VAC14: variants seen among roughly 807,000 people sequenced by gnomAD.
The protein encoded by VAC14 is VAC14 component of PIKFYVE complex.
VAC14 carries 47 observed loss-of-function variants against 85.3 expected under a neutral mutation model. That is an observed-to-expected ratio of 0.55 (90% CI 0.44 to 0.70). The LOEUF is 0.70. VAC14 is among the 30% of genes least tolerant of loss of function. The pLI is 0.00. For synonymous variants in VAC14, 447 were observed against 430.5 expected (o/e 1.04, Z -0.47); for missense variants, 861 against 1,004.3 (o/e 0.86, Z 1.93).
At chr16:70,775,179 A>T (rs1218274348) in intron 9 of VAC14, among the ~76,000 whole-genome samples, 2 of 152,198 alleles carry the variant, frequency 1.3e-5, no homozygotes, top group Non-Finnish European at 2.9e-5. Flanking sequence ...AATGATCATT[A>T]TTTATATTGT....
At chr16:70,704,020 C>T (rs1021079440) in intron 14 of VAC14, among the ~76,000 whole-genome samples, 4 of 152,182 alleles carry the variant, frequency 2.6e-5, no homozygotes, top group African/African-American at 9.6e-5. Context: ...TGTGAGCCTT[C>T]GTGTCACTGT....
chr16:70,738,471 C>T lies in VAC14; in HGVS notation c.1528+5952G>A, dbSNP rs556453869. Among the ~76,000 whole-genome samples, 9 of 152,158 alleles carry T rather than the reference C, an allele frequency of 5.9e-5. No homozygotes were observed. The South Asian group carries it at 8.3e-4, about 14-fold the overall frequency. ...GCCCAGTGGGGACTTCCAGCTGACGCGGCAGTGGAGAGGTCATATAGCAGT... is the reference window on the plus strand; with the variant it reads ...GCCCAGTGGGGACTTCCAGCTGACGTGGCAGTGGAGAGGTCATATAGCAGT... On this transcript the variant is annotated intron_variant, in intron 13 of 18. Transcript: ENST00000261776.
At position 70,787,671 on chromosome 16, in the gene VAC14, T is replaced by C. The variant is rs143158250; in HGVS notation, c.105-1306A>G. 1.1e-3 allele frequency among the ~76,000 whole-genome samples: 161 copies of C among 152,278 alleles called. 2 individuals carry two copies. In the East Asian group the frequency reaches 0.025, roughly 23 times the overall value. On this transcript the variant is annotated intron_variant, in intron 1 of 18. Transcript: ENST00000261776. ...GCTGGGGTGGTCAGGGGAGTTTTCC[T>C]GGAAGTGGGATGGAGCCGGATCTTC...
intron 14 of VAC14, among the ~76,000 whole-genome samples, chr16:70,720,453 G>A (rs2054261653): frequency 6.6e-6 from 1 of 152,186 alleles, no homozygotes; most frequent in Non-Finnish European, 1.5e-5. Flanking sequence ...TGTGTTATGT[G>A]GTAAGAAAGG....
At chr16:70,706,163 G>C (rs1428774155) in intron 14 of VAC14, among the ~76,000 whole-genome samples, 1 of 152,250 alleles carries the variant, frequency 6.6e-6, no homozygotes, top group African/African-American at 2.4e-5. Flanking sequence ...GTGTCATGGG[G>C]CATGGGGTCA....
chr16:70,706,302 C>T (rs1231604972), intron 14 of VAC14, among the ~76,000 whole-genome samples: 5 of 152,216 alleles, frequency 3.3e-5, no homozygotes, highest in Non-Finnish European at 5.9e-5. Flanking sequence ...ATTCTGAGGA[C>T]AGTGTGGGCT....
At chr16:70,768,889 C>T (rs956151202) in intron 10 of VAC14, 7 of 448,024 alleles carry the variant, frequency 1.6e-5, no homozygotes, top group African/African-American at 1.4e-4. Flanking sequence ...AAACCTCCGC[C>T]TCCCAGGTTC....
Position 70,785,712 on chromosome 16 carries a change from C to T in VAC14, c.413G>A (p.Gly138Glu). 2 of 1,559,996 alleles carry T rather than the reference C, an allele frequency of 1.3e-6. No homozygotes were observed. The highest frequency in any genetic ancestry group is 1.7e-6 in the Non-Finnish European group (2 of 1,151,344). Residue 138 changes from glycine (G) to glutamate (E), a missense_variant, in exon 3 of 19, where the codon GGG (glycine) becomes GAG (glutamate). Transcript: ENST00000261776. ...VLPHFNVLFD[G>E]LSKLAADPDP... is the part of the protein sequence containing the mutation. ...GAGGAGGGCGGTTACCTTGCTCAGC[C>T]CGTCAAAGAGCACGTTGAAGTGGGG... is the stretch of plus-strand genomic sequence containing the variant.
At chr16:70,760,812 T>C (rs1328997101) in intron 12 of VAC14, among the ~76,000 whole-genome samples, 3 of 152,268 alleles carry the variant, frequency 2.0e-5, no homozygotes, top group Admixed American at 6.5e-5. Context: ...AGTGAAGTCC[T>C]AGGGAAGGAA....
intron 13 of VAC14, among the ~76,000 whole-genome samples, chr16:70,739,044 C>T (rs538676498): frequency 8.3e-4 from 126 of 152,310 alleles, no homozygotes; most frequent in Non-Finnish European, 1.1e-3. Flanking sequence ...CCCTCTGCAC[C>T]GGCCTGTAAT....
intron 12 of VAC14, among the ~76,000 whole-genome samples, chr16:70,757,516 C>G (rs1232148656): frequency 6.6e-6 from 1 of 152,184 alleles, no homozygotes; most frequent in African/African-American, 2.4e-5. Flanking sequence ...GCACAGAAGG[C>G]CAGTCCTGTG....
chr16:70,718,655 C>T (rs1467918176), intron 14 of VAC14, among the ~76,000 whole-genome samples: 1 of 152,070 alleles, frequency 6.6e-6, no homozygotes, highest in Non-Finnish European at 1.5e-5. Context: ...TCTCCTGGCT[C>T]AGCATCTCGT....
intron 14 of VAC14, among the ~76,000 whole-genome samples, chr16:70,728,923 G>A (rs2054508527): frequency 6.6e-6 from 1 of 152,130 alleles, no homozygotes; most frequent in African/African-American, 2.4e-5. Flanking sequence ...CTGGTGGGGG[G>A]GCCTCTTGCA....
At chr16:70,754,281 A>G (rs1211019201) in intron 12 of VAC14, among the ~76,000 whole-genome samples, 1 of 152,162 alleles carries the variant, frequency 6.6e-6, no homozygotes, top group Non-Finnish European at 1.5e-5. Context: ...AGGCCCTCTC[A>G]GTGGGTACAG....
At chr16:70,753,957 G>A (rs965236115) in intron 12 of VAC14, among the ~76,000 whole-genome samples, 6 of 152,166 alleles carry the variant, frequency 3.9e-5, no homozygotes, top group Non-Finnish European at 8.8e-5. Flanking sequence ...GCCGCTGGGA[G>A]AGCCGCCTCC....
At chr16:70,754,796 G>A (rs1289809286) in intron 12 of VAC14, among the ~76,000 whole-genome samples, 1 of 152,214 alleles carries the variant, frequency 6.6e-6, no homozygotes, top group Non-Finnish European at 1.5e-5. Flanking sequence ...TGGAATTGAG[G>A]TGGGGGTGGA....
rs368808482 is a variant in VAC14 at position 70,761,198 on chromosome 16, G to A, written c.1371+1342C>T. The stretch of plus-strand genomic sequence containing the variant: ...TTCAGGCTGCAGGACAGCTGCCCGG[G>A]CCCCCCACAAGCCTGGCACCAGCCC... On this transcript the variant is annotated intron_variant, in intron 12 of 18. Coordinates refer to ENST00000261776, the MANE Select transcript of VAC14 (RefSeq NM_018052.5). 25 of 455,752 alleles carry A rather than the reference G, an allele frequency of 5.5e-5. No homozygotes were observed. In the East Asian group the frequency reaches 7.7e-4, roughly 14 times the overall value. The allele number at this position is 455,752 out of a possible 1,614,324, so 28.2% of individuals were successfully genotyped here. A position where few individuals can be genotyped will look rare whatever the true frequency, so the allele number is the denominator to read the frequency against.
chr16:70,786,459 T>G (rs909597051), intron 1 of VAC14, 94 bp from the exon 2 acceptor site: 36 of 1,515,048 alleles, frequency 2.4e-5, no homozygotes, highest in Non-Finnish European at 2.9e-5. Context: ...AGATGACCTG[T>G]TTGGAAAGAG....
intron 5 of VAC14, among the ~76,000 whole-genome samples, chr16:70,783,907 G>A (rs113672265): frequency 6.6e-5 from 10 of 152,342 alleles, no homozygotes; most frequent in African/African-American, 2.2e-4. Flanking sequence ...CTCCCTTCCA[G>A]GGCAACAAGA....
Sources: gnomAD v4.1 joint callset for allele counts (sites outside exome capture counted in the v4.1 genomes callset) on GRCh38, gnomAD v4.1.1 for gene constraint, MANE v1.5 for transcripts, NCBI Gene and HGNC (gene_info 2026-07-23, HGNC 2026-07-21) for gene names.